The following MED13 variants were observed in gnomAD, a reference collection of about 807,000 sequenced individuals.
The protein encoded by MED13 is mediator of RNA polymerase II transcription subunit 13.
MED13 carries 23 observed loss-of-function variants against 225.2 expected under a neutral mutation model. The observed-to-expected ratio is 0.10, with a 90% CI of 0.07 to 0.14. The LOEUF is 0.14. Ranked by LOEUF, MED13 falls within the 10% of genes least tolerant of loss-of-function variation. MED13 has a pLI of 1.00. For synonymous variants in MED13, 942 were observed against 889.2 expected (o/e 1.06, Z -1.06); for missense variants, 2,197 against 2,594.5 (o/e 0.85, Z 3.33).
At chr17:61,990,627 G>GTATGTATATATATATA (rs1555635070) in intron 11 of MED13, among the ~76,000 whole-genome samples, 18 of 139,008 alleles carry the variant, frequency 1.3e-4, no homozygotes, top group Admixed American at 5.0e-4. Flanking sequence ...GGCGCACTGT[G>GTATGTATATATATATA]TATATATATA....
At chr17:61,957,869 CT>C (rs1237840833) in intron 23 of MED13, among the ~76,000 whole-genome samples, 2 of 151,880 alleles carry the variant, frequency 1.3e-5, no homozygotes, top group African/African-American at 4.8e-5. Flanking sequence ...GTGGCTATTA[CT>C]TTTTTTTCTT....
rs199889415 is a variant in MED13 at position 61,982,338 on chromosome 17, C to G, written c.3665G>C (p.Arg1222Pro). ...ATTGCAACAGTCACGCTCTTCAACA[C>G]GTACCCAATTGCTAATTACACCACT... is the stretch of plus-strand genomic sequence containing the variant. ...PKSGVISNWV[R>P]VEERDCCNDC... The change falls in exon 16 of 30, where the codon CGT becomes CCT. Residue 1222 changes from arginine (R) to proline (P), a missense_variant. This residue lies in a region of MED13 where 203 missense variants were observed against 209.7 expected (regional missense o/e 0.97). Transcript: ENST00000397786. 2 of 1,614,212 alleles carry G rather than the reference C, an allele frequency of 1.2e-6. No homozygotes were observed. Among genetic ancestry groups the G allele is most frequent in the African/African-American group, 2.7e-5 (2 of 75,042 alleles).
At chr17:62,015,942 ATATATATATATATTTTT>A (rs1406667101) in intron 8 of MED13, among the ~76,000 whole-genome samples, 3 of 10,032 alleles carry the variant, frequency 3.0e-4, no homozygotes, top group Non-Finnish European at 4.4e-4. Context: ...ATATATATAT[ATATATATATATATTTTT>A]TTTTTTTTTT....
Position 62,003,599 on chromosome 17 carries a change from C to CAAAAAAAAAAAAAAAA in MED13, c.1967+6935_1967+6950dup, listed in dbSNP as rs34451831. The CAAAAAAAAAAAAAAAA allele has an allele frequency of 4.3e-3, 223 of 51,710 alleles. 2 individuals carry two copies. The highest frequency in any genetic ancestry group is 0.018 in the East Asian group (22 of 1,194). The allele number at this position is 51,710 out of a possible 1,614,324, so 3.2% of individuals were successfully genotyped here. ...CAGCCTGAGCAACAACAGCAAAACT[C>CAAAAAAAAAAAAAAAA]AAAAAAAAAAAAAAAAAAAAAAGCA... is the stretch of plus-strand genomic sequence containing the variant. On this transcript the variant is annotated intron_variant, in intron 9 of 29. Coordinates refer to ENST00000397786, the MANE Select transcript of MED13 (RefSeq NM_005121.3).
Position 61,972,779 on chromosome 17 carries a change from C to G in MED13, c.3915G>C (p.Gln1305His). Reference protein sequence around the residue: ...KKRTVRPWGVQGPLTWQQFHK... With the variant: ...KKRTVRPWGVHGPLTWQQFHK... ...GAAATTGTTGCCAAGTGAGAGGACCCTGAACACCCCAAGGTCTTACTGTTC... is the reference window on the plus strand; with the variant it reads ...GAAATTGTTGCCAAGTGAGAGGACCGTGAACACCCCAAGGTCTTACTGTTC... The change falls in exon 17 of 30, where the codon CAG (glutamine) becomes CAC (histidine). Residue 1305 changes from glutamine to histidine, a missense_variant. Transcript: ENST00000397786. The G allele has an allele frequency of 1.2e-6, 2 of 1,613,656 alleles. No homozygotes were observed. Among genetic ancestry groups the G allele is most frequent in the South Asian group, 1.1e-5 (1 of 91,006 alleles).
intron 16 of MED13, among the ~76,000 whole-genome samples, chr17:61,975,515 G>A (rs1483021519): frequency 1.3e-5 from 2 of 152,208 alleles, no homozygotes; most frequent in African/African-American, 4.8e-5. Context: ...TGGTAGTTAT[G>A]TAAAATGGTG....
At position 61,983,024 on chromosome 17, in the gene MED13, A is replaced by G; in HGVS notation, c.2979T>C (p.Pro993=). 1 of 1,614,000 alleles carries G rather than the reference A, an allele frequency of 6.2e-7. No homozygotes were observed. Among genetic ancestry groups the G allele is most frequent in the African/African-American group, 1.3e-5 (1 of 75,020 alleles). The change falls in exon 16 of 30, where the codon CCT becomes CCC. Residue 993 remains proline, a synonymous_variant. Transcript: ENST00000397786. Reference sequence around the variant, plus strand: ...GAAGAATTCCTGCTCCGCTGTTACTAGGAGGTGCACTGCTAGGAGGCATCC... The same window carrying G: ...GAAGAATTCCTGCTCCGCTGTTACTGGGAGGTGCACTGCTAGGAGGCATCC... ...SFGMPPSSAP[P]SNSGAGILPS...
chr17:61,963,831 T>A (rs1349058024), intron 20 of MED13, among the ~76,000 whole-genome samples: 2 of 152,162 alleles, frequency 1.3e-5, no homozygotes, highest in Non-Finnish European at 2.9e-5. Context: ...CTGGCCAACT[T>A]GGCCTATAAA....
At chr17:62,017,196 A>G (rs935734451) in intron 8 of MED13, among the ~76,000 whole-genome samples, 4 of 150,620 alleles carry the variant, frequency 2.7e-5, no homozygotes, top group African/African-American at 9.7e-5. Flanking sequence ...TTCTAATAAC[A>G]AAACAGAGTA....
chr17:62,038,182 A>G (rs1471167376), intron 3 of MED13, among the ~76,000 whole-genome samples: 1 of 152,048 alleles, frequency 6.6e-6, no homozygotes, highest in East Asian at 1.9e-4. Flanking sequence ...GTTGGGCTTG[A>G]GCCCAGGGGT....
chr17:62,049,675 T>C (rs2143748724), intron 3 of MED13, among the ~76,000 whole-genome samples: 1 of 152,322 alleles, frequency 6.6e-6, no homozygotes, highest in Non-Finnish European at 1.5e-5. Flanking sequence ...CTCACGCCTG[T>C]AATCCCAGCA....
Position 62,010,565 on chromosome 17 carries a change from A to G in MED13, c.1952T>C (p.Val651Ala). The G allele has an allele frequency of 6.8e-7, 1 of 1,463,582 alleles. No individual in the cohort carries two copies. The highest frequency in any genetic ancestry group is 9.0e-7 in the Non-Finnish European group (1 of 1,105,334). 90.7% of individuals were successfully genotyped at this position (1,463,582 alleles called of 1,614,324 possible). The part of the protein sequence containing the change: ...DPVGPFGQES[V>A]TSVTELMVQC... ...AAATACATACTCTGTAACTGATGTT[A>G]CACTTTCCTGTCCAAAAGGTCCAAC... Residue 651 changes from valine to alanine, a missense_variant, in exon 9 of 30, where the codon GTA (valine) becomes GCA (alanine). Physicochemically the swap from Val to Ala is moderately conservative, Grantham distance 64 (BLOSUM62 0). This residue lies in a region of MED13 where 884 missense variants were observed against 918.5 expected (regional missense o/e 0.96). Coordinates refer to ENST00000397786, the MANE Select transcript of MED13 (RefSeq NM_005121.3).
chr17:61,978,511 G>C (rs1169044748), intron 16 of MED13, among the ~76,000 whole-genome samples: 3 of 152,148 alleles, frequency 2.0e-5, no homozygotes, highest in African/African-American at 7.2e-5. Context: ...CCAGCACTTT[G>C]TGGGGGGCCA....
chr17:61,994,501 A>T (rs1603399134), intron 10 of MED13, among the ~76,000 whole-genome samples: 1 of 152,184 alleles, frequency 6.6e-6, no homozygotes, highest in African/African-American at 2.4e-5. Context: ...TGTATATTTT[A>T]TTGTATCTTT....
chr17:62,030,166 AC>A, intron 6 of MED13, 153 bp from the exon 7 acceptor site: 1 of 723,776 alleles, frequency 1.4e-6, no homozygotes, highest in African/African-American at 1.8e-5. Flanking sequence ...ACTTTTTGGA[AC>A]CAGATCTCAT....
At chr17:61,997,141 T>C (rs1376623494) in intron 9 of MED13, among the ~76,000 whole-genome samples, 1 of 152,190 alleles carries the variant, frequency 6.6e-6, no homozygotes, top group African/African-American at 2.4e-5. Context: ...GCAAATCTTA[T>C]CTCATTCATC....
intron 20 of MED13, among the ~76,000 whole-genome samples, chr17:61,963,281 C>T (rs1439832616): frequency 1.0e-5 from 1 of 99,726 alleles, no homozygotes; most frequent in Non-Finnish European, 2.0e-5. Flanking sequence ...GTATTAGATA[C>T]AAAAGATGGC....
intron 2 of MED13, among the ~76,000 whole-genome samples, chr17:62,061,409 T>C (rs1209910923): frequency 6.6e-6 from 1 of 152,140 alleles, no homozygotes; most frequent in East Asian, 1.9e-4. Context: ...CTTAAAATTA[T>C]CTTTGATTCT....
At chr17:62,064,642 T>C (rs549373665) in intron 1 of MED13, among the ~76,000 whole-genome samples, 1 of 152,272 alleles carries the variant, frequency 6.6e-6, no homozygotes, top group Admixed American at 6.5e-5. Flanking sequence ...GAAACTAACC[T>C]GGCGTTAGTT....
Sources: gnomAD v4.1 joint callset for allele counts (sites outside exome capture counted in the v4.1 genomes callset) on GRCh38, gnomAD v4.1.1 for gene constraint, gnomAD v4.1.1 regional missense constraint, MANE v1.5 for transcripts, NCBI Gene and HGNC (gene_info 2026-07-23, HGNC 2026-07-21) for gene names.